CFTR: variants seen among roughly 807,000 people sequenced by gnomAD.
CFTR encodes the protein CF transmembrane conductance regulator, also known as cystic fibrosis transmembrane conductance regulator.
In CFTR, 181 loss-of-function variants were observed where a neutral mutation model predicts 171.6. That is an observed-to-expected ratio of 1.05 (90% CI 0.93 to 1.19). The LOEUF is 1.19. Among genes scored for constraint, CFTR ranks in the 50% most tolerant of loss-of-function variants. The pLI, the probability that CFTR is intolerant of heterozygous loss-of-function variation, is 0.00. For synonymous variants in CFTR, 583 were observed against 608.0 expected, an observed-to-expected ratio of 0.96 and a Z score of 0.60; for missense variants, 1,968 against 1,734.7, an observed-to-expected ratio of 1.13 and a Z score of -2.39.
intron 22 of CFTR, among the ~76,000 whole-genome samples, chr7:117,630,835 G>T (rs1477866316): frequency 6.6e-6 from 1 of 152,028 alleles, no homozygotes; most frequent in Non-Finnish European, 1.5e-5. Flanking sequence ...CTAGGCATTT[G>T]GCTGTCTCAG....
intron 12 of CFTR, 114 bp from the exon 13 acceptor site, chr7:117,590,239 T>C (rs1439993357): frequency 8.1e-7 from 1 of 1,229,970 alleles, no homozygotes. Context: ...TTTCAGTGAA[T>C]CGATGTGGTG....
At chr7:117,612,035 A>ATATATATATATATATGTATATATATATG (rs1792408791) in intron 20 of CFTR, among the ~76,000 whole-genome samples, 1 of 74,244 alleles carries the variant, frequency 1.3e-5, no homozygotes, top group Admixed American at 1.2e-4. Context: ...ATATATATAT[A>ATATATATATATATATGTATATATATATG]TATATATATA....
At chr7:117,509,667 T>G (rs1798484384) in intron 3 of CFTR, among the ~76,000 whole-genome samples, 1 of 152,214 alleles carries the variant, frequency 6.6e-6, no homozygotes, top group Non-Finnish European at 1.5e-5. Context: ...CAATATATTT[T>G]CTTAATATCT....
At chr7:117,507,985 A>C (rs1178390110) in intron 2 of CFTR, among the ~76,000 whole-genome samples, 2 of 152,198 alleles carry the variant, frequency 1.3e-5, no homozygotes, top group Non-Finnish European at 2.9e-5. Flanking sequence ...TATGCTGGCC[A>C]GGCTGGTCTT....
chr7:117,610,293 G>A (rs963455669), intron 18 of CFTR, among the ~76,000 whole-genome samples: 1 of 148,336 alleles, frequency 6.7e-6, no homozygotes, highest in East Asian at 2.0e-4. Flanking sequence ...GCTAGATGAC[G>A]AGTTAGTGGG....
intron 7 of CFTR, among the ~76,000 whole-genome samples, chr7:117,536,961 T>C (rs1798969347): frequency 6.6e-6 from 1 of 152,232 alleles, no homozygotes; most frequent in Non-Finnish European, 1.5e-5. Context: ...TTTATTTCGT[T>C]AAAACAATTA....
chr7:117,624,490 C>G (rs1792623396), intron 21 of CFTR, among the ~76,000 whole-genome samples: 1 of 152,182 alleles, frequency 6.6e-6, no homozygotes, highest in Admixed American at 6.6e-5. Context: ...GTTCACTCTA[C>G]TGCTCCCATG....
At chr7:117,482,049 T>C (rs1365708595) in intron 1 of CFTR, among the ~76,000 whole-genome samples, 6 of 152,202 alleles carry the variant, frequency 3.9e-5, no homozygotes, top group Admixed American at 3.9e-4. Context: ...ATTTTCACAT[T>C]CATCACAGTA....
At chr7:117,622,824 G>A (rs1361270487) in intron 21 of CFTR, among the ~76,000 whole-genome samples, 2 of 152,128 alleles carry the variant, frequency 1.3e-5, no homozygotes, top group African/African-American at 4.8e-5. Flanking sequence ...GTCACACAAA[G>A]TGACAAAGAA....
rs397508165 is a variant in CFTR at position 117,542,034 on chromosome 7, G to T, written c.1135G>T (p.Glu379Ter). The change falls in exon 9 of 27, where the codon GAA (glutamate) becomes TAA (stop). Residue 379 changes from glutamate to a stop codon, truncating the protein, a stop_gained. Transcript: ENST00000003084. LOFTEE classifies it high-confidence loss of function. Reference protein sequence around the residue: ...NKIQDFLQKQEYKTLEYNLTT... With the variant: ...NKIQDFLQKQ ...TAAATAGGATTTCTTACAAAAGCAA[G>T]AATATAAGACATTGGAATATAACTT... 1 of 1,566,488 alleles carries T rather than the reference G, an allele frequency of 6.4e-7. No homozygotes were observed. The highest frequency in any genetic ancestry group is 8.8e-7 in the Non-Finnish European group (1 of 1,137,086).
rs536493893 is a variant in CFTR, at chr7:117,666,830, G to A, written c.4243-78G>A. ...CATTCTTTGACTTTTATTTTCCTTT[G>A]AGCCTGTGCCAGTTTCTGTCCCTGC... is the stretch of plus-strand genomic sequence containing the variant. On this transcript the variant is annotated intron_variant, in intron 26 of 26. Transcript: ENST00000003084. 25 of 1,230,566 alleles carry A rather than the reference G, an allele frequency of 2.0e-5. No individual in the cohort carries two copies. The East Asian group carries it at 3.7e-4, about 18-fold the overall frequency. The allele number at this position is 1,230,566 out of a possible 1,614,324, so 76.2% of individuals were successfully genotyped here. A position where few individuals can be genotyped will look rare whatever the true frequency, so the allele number is the denominator to read the frequency against.
chr7:117,558,601 T>C (rs1799401883), intron 10 of CFTR, among the ~76,000 whole-genome samples: 2 of 144,212 alleles, frequency 1.4e-5, no homozygotes, highest in Non-Finnish European at 3.0e-5. Context: ...TCAGTGCTTT[T>C]TCTTCCTCTG....
At chr7:117,501,776 C>CAAAAAAAAAAAAAAAAAAAAAAA (rs796991857) in intron 1 of CFTR, among the ~76,000 whole-genome samples, 28 of 84,250 alleles carry the variant, frequency 3.3e-4, no homozygotes, top group Non-Finnish European at 6.0e-4. Flanking sequence ...AAAAAAGAAA[C>CAAAAAAAAAAAAAAAAAAAAAAA]AAAAAAAAAA....
At chr7:117,614,853 G>A in intron 21 of CFTR, 140 bp downstream of exon 21, 1 of 672,402 alleles carries the variant, frequency 1.5e-6, no homozygotes, top group Non-Finnish European at 2.7e-6. Flanking sequence ...GGGTCACTGT[G>A]TATCTGTCAT....
chr7:117,536,280 T>C (rs1459947403), intron 6 of CFTR, among the ~76,000 whole-genome samples: 1 of 152,178 alleles, frequency 6.6e-6, no homozygotes, highest in Non-Finnish European at 1.5e-5. Context: ...TCTTTGCTTT[T>C]TTCATCTCTA....
chr7:117,611,809 G>T lies in CFTR; in HGVS notation c.3367+1G>T. 1 of 1,599,416 alleles carries T rather than the reference G, an allele frequency of 6.3e-7. No individual in the cohort carries two copies. On this transcript the variant is annotated splice_donor_variant, in intron 20 of 26. Coordinates refer to ENST00000003084, the MANE Select transcript of CFTR (RefSeq NM_000492.4). LOFTEE classifies it high-confidence loss of function. The stretch of plus-strand genomic sequence containing the variant: ...ACCTTCATTTCCATTTTAACAACAG[G>T]TACTATGAACTCATTAACTTTAGCT...
In CFTR at chr7:117,547,497, TATTA is replaced by T. The variant is rs1799166411; in HGVS notation, c.1210-1134_1210-1131del. ...TAAAATACAGATAAGTAATAACTAT[TATTA>T]ATTAATTAAATTATTAAAATTAAAA... On this transcript the variant is annotated intron_variant, in intron 9 of 26. Coordinates refer to ENST00000003084, the MANE Select transcript of CFTR (RefSeq NM_000492.4). Among the ~76,000 whole-genome samples, 3 of 151,890 alleles carry T rather than the reference TATTA, an allele frequency of 2.0e-5. 1 individual carries two copies. In the South Asian group the frequency reaches 6.2e-4, roughly 31 times the overall value.
chr7:117,561,613 G>T (rs1799466137), intron 11 of CFTR, among the ~76,000 whole-genome samples: 1 of 152,074 alleles, frequency 6.6e-6, no homozygotes, highest in Non-Finnish European at 1.5e-5. Context: ...GAAGAATAAG[G>T]TAAGGAATCA....
chr7:117,612,023 G>GTATATATA (rs772661286), intron 20 of CFTR, among the ~76,000 whole-genome samples: 905 of 53,064 alleles, frequency 0.017, 60 homozygotes, highest in Non-Finnish European at 0.021. Flanking sequence ...ATATATATAT[G>GTATATATA]TATATATATA....
Sources: gnomAD v4.1 joint callset for allele counts (sites outside exome capture counted in the v4.1 genomes callset) on GRCh38, gnomAD v4.1.1 for gene constraint, MANE v1.5 for transcripts, NCBI Gene and HGNC (gene_info 2026-07-23, HGNC 2026-07-21) for gene names.